The following CDH12 variants were observed in gnomAD, a reference collection of about 807,000 sequenced individuals.
CDH12 encodes the protein cadherin 12, also known as cadherin-12.
A neutral mutation model predicts 74.1 loss-of-function variants in CDH12; 41 were observed. The ratio of observed to expected loss-of-function variants is 0.55; its 90% CI spans 0.43 to 0.72. The LOEUF (loss-of-function observed/expected upper bound fraction) is 0.72. CDH12 is among the 30% of genes least tolerant of loss of function. The pLI, the probability that CDH12 is intolerant of heterozygous loss-of-function variation, is 0.00. For synonymous variants in CDH12, 399 were observed against 355.0 expected (o/e 1.12, Z -1.39); for missense variants, 945 against 977.2 (o/e 0.97, Z 0.44).
At chr5:21,818,896 C>T (rs1042637735) in intron 8 of CDH12, among the ~76,000 whole-genome samples, 1 of 151,926 alleles carries the variant, frequency 6.6e-6, no homozygotes, top group African/African-American at 2.4e-5. Flanking sequence ...GAAGGAATCT[C>T]AGTTAAGGAA....
At chr5:22,150,547 T>C (rs2150308974) in intron 4 of CDH12, among the ~76,000 whole-genome samples, 1 of 152,036 alleles carries the variant, frequency 6.6e-6, no homozygotes, top group Admixed American at 6.6e-5. Context: ...CACATATATA[T>C]ATATGAAACA....
intron 1 of CDH12, among the ~76,000 whole-genome samples, chr5:22,843,862 A>G (rs1436853669): frequency 6.6e-6 from 1 of 152,102 alleles, no homozygotes; most frequent in African/African-American, 2.4e-5. Context: ...TGGCTGTTTG[A>G]TAAGACATTT....
At chr5:22,327,057 A>C (rs1294906473) in intron 3 of CDH12, among the ~76,000 whole-genome samples, 1 of 152,100 alleles carries the variant, frequency 6.6e-6, no homozygotes, top group Non-Finnish European at 1.5e-5. Flanking sequence ...CATAGTGCTT[A>C]TTTCTCATTT....
intron 4 of CDH12, among the ~76,000 whole-genome samples, chr5:22,200,054 T>C (rs1247936353): frequency 2.0e-5 from 3 of 152,102 alleles, no homozygotes; most frequent in Non-Finnish European, 4.4e-5. Flanking sequence ...AGAAATACTT[T>C]CCAGAATTAT....
At chr5:22,384,668 T>C (rs1741925719) in intron 3 of CDH12, among the ~76,000 whole-genome samples, 2 of 152,170 alleles carry the variant, frequency 1.3e-5, no homozygotes, top group Non-Finnish European at 2.9e-5. Flanking sequence ...TTAGAGATCT[T>C]GGCATGAATT....
intron 5 of CDH12, among the ~76,000 whole-genome samples, chr5:22,046,097 T>A (rs981316848): frequency 6.6e-6 from 1 of 152,170 alleles, no homozygotes; most frequent in Non-Finnish European, 1.5e-5. Context: ...ATTACAAAAT[T>A]AGAAGCAATG....
chr5:21,969,592 C>G (rs1312488937), intron 6 of CDH12, among the ~76,000 whole-genome samples: 1 of 151,806 alleles, frequency 6.6e-6, no homozygotes, highest in Non-Finnish European at 1.5e-5. Flanking sequence ...TCTACCACCC[C>G]CTAACTAAGC....
At chr5:22,673,895 G>C (rs529643427) in intron 1 of CDH12, among the ~76,000 whole-genome samples, 7 of 152,242 alleles carry the variant, frequency 4.6e-5, no homozygotes, top group African/African-American at 1.7e-4. Context: ...GAGCAAGTAA[G>C]TTCACAAAAA....
intron 1 of CDH12, among the ~76,000 whole-genome samples, chr5:22,618,968 G>A: frequency 6.6e-6 from 1 of 151,936 alleles, no homozygotes; most frequent in Admixed American, 6.6e-5. Flanking sequence ...CTCCATCATT[G>A]TGAGACCTCC....
chr5:21,802,210 C>T lies in CDH12; in HGVS notation c.1213G>A (p.Ala405Thr). 3.1e-6 allele frequency: 5 copies of T among 1,613,814 alleles called. No homozygotes were observed. The South Asian group carries it at 3.3e-5, about 11-fold the overall frequency. ...EDTPVGTIIG[A>T]VTAQDLDVGS... ...ACATCCAGGTCTTGAGCAGTGACAG[C>T]GCCAATGATGGTCCCTACCGGAGTG... The change falls in exon 10 of 15, where the codon GCT becomes ACT. Residue 405 changes from alanine (A) to threonine (T), a missense_variant. By Grantham distance (58) the Ala-to-Thr change is moderately conservative (BLOSUM62 0). This residue lies in a region of CDH12 where 791 missense variants were observed against 792.8 expected (regional missense o/e 1.00). Transcript: ENST00000382254.
chr5:21,761,764 T>A (rs954510789), intron 12 of CDH12, among the ~76,000 whole-genome samples: 1 of 151,812 alleles, frequency 6.6e-6, no homozygotes, highest in African/African-American at 2.4e-5. Flanking sequence ...GATAGATAGA[T>A]AGATAGATAG....
chr5:22,000,476 T>C (rs1655489065), intron 5 of CDH12, among the ~76,000 whole-genome samples: 1 of 152,134 alleles, frequency 6.6e-6, no homozygotes, highest in Non-Finnish European at 1.5e-5. Flanking sequence ...TCAACTTTGG[T>C]GAACACTTTA....
intron 1 of CDH12, among the ~76,000 whole-genome samples, chr5:22,611,077 G>A (rs1318831663): frequency 6.6e-6 from 1 of 151,830 alleles, no homozygotes; most frequent in Non-Finnish European, 1.5e-5. Context: ...AATTTTTATT[G>A]TCCTCCTAAC....
At chr5:22,204,296 G>A (rs929806800) in intron 4 of CDH12, among the ~76,000 whole-genome samples, 31 of 152,216 alleles carry the variant, frequency 2.0e-4, no homozygotes, top group African/African-American at 6.7e-4. Flanking sequence ...GAGTAGCTGG[G>A]ACTACAGGCA....
chr5:22,058,022 T>TATC (rs891675555), intron 5 of CDH12, among the ~76,000 whole-genome samples: 2 of 151,864 alleles, frequency 1.3e-5, no homozygotes, highest in African/African-American at 4.8e-5. Flanking sequence ...TCTATCTATC[T>TATC]ATCTATCTAT....
intron 1 of CDH12, among the ~76,000 whole-genome samples, chr5:22,640,989 C>A (rs187715837): frequency 6.6e-6 from 1 of 152,194 alleles, no homozygotes; most frequent in Non-Finnish European, 1.5e-5. Flanking sequence ...CTTCTGCCAA[C>A]TTCCCCCACT....
intron 3 of CDH12, among the ~76,000 whole-genome samples, chr5:22,332,814 C>A (rs1366544329): frequency 1.3e-5 from 2 of 152,022 alleles, no homozygotes; most frequent in Non-Finnish European, 2.9e-5. Flanking sequence ...AATCAAGAAA[C>A]AATAGATGCT....
intron 5 of CDH12, among the ~76,000 whole-genome samples, chr5:22,050,170 G>T (rs1312701106): frequency 6.6e-6 from 1 of 151,880 alleles, no homozygotes; most frequent in Non-Finnish European, 1.5e-5. Flanking sequence ...TTCCTATGTA[G>T]TATCTCTACT....
chr5:22,720,504 A>G (rs771873126), intron 1 of CDH12, among the ~76,000 whole-genome samples: 4 of 152,126 alleles, frequency 2.6e-5, no homozygotes, highest in Non-Finnish European at 4.4e-5. Context: ...TGCTGCAGAG[A>G]GTGGGGGCAC....
Sources: gnomAD v4.1 joint callset for allele counts (sites outside exome capture counted in the v4.1 genomes callset) on GRCh38, gnomAD v4.1.1 for gene constraint, gnomAD v4.1.1 regional missense constraint, MANE v1.5 for transcripts, NCBI Gene and HGNC (gene_info 2026-07-23, HGNC 2026-07-21) for gene names.